CFAP99: variants seen among roughly 807,000 people sequenced by gnomAD.
The protein encoded by CFAP99 is cilia- and flagella-associated protein 99.
In CFAP99, 84 loss-of-function variants were observed where a neutral mutation model predicts 82.7. That is an observed-to-expected ratio of 1.02 (90% CI 0.85 to 1.22). CFAP99 has a LOEUF of 1.22. CFAP99 is among the 50% of genes most tolerant of loss of function. The pLI is 0.00. For missense variants in CFAP99, 1,059 were observed against 983.5 expected (o/e 1.08, Z -1.03); for synonymous variants, 456 against 429.5 (o/e 1.06, Z -0.76).
intron 1 of CFAP99, among the ~76,000 whole-genome samples, chr4:2,421,294 C>G (rs945358050): frequency 6.7e-6 from 1 of 150,258 alleles, no homozygotes; most frequent in African/African-American, 2.5e-5. Flanking sequence ...CTCATATAAT[C>G]TCATTTGTGT....
At chr4:2,449,489 A>G (rs1216889929) in intron 6 of CFAP99, among the ~76,000 whole-genome samples, 181 bp from the exon 7 acceptor site, 2 of 133,302 alleles carry the variant, frequency 1.5e-5, no homozygotes, top group African/African-American at 5.7e-5. Context: ...CCTTCCCTTT[A>G]CTGCCAACGC....
At chr4:2,444,307 G>A (rs911247875) in intron 5 of CFAP99, among the ~76,000 whole-genome samples, 1 of 152,132 alleles carries the variant, frequency 6.6e-6, no homozygotes, top group African/African-American at 2.4e-5. Context: ...CCCTCTTCCT[G>A]CGCCACCACC....
Position 2,462,494 on chromosome 4 carries a change from C to A in CFAP99, c.1713C>A (p.Asp571Glu). Residue 571 changes from aspartate (D) to glutamate (E), a missense_variant, in exon 15 of 15, where the codon GAC (aspartate) becomes GAA (glutamate). Coordinates refer to ENST00000635017, the Ensembl canonical transcript of CFAP99. The surrounding 1 kb of genome is among the most constrained non-coding windows in gnomAD (Gnocchi z 4.1). ...CGGCCCCGGCGGCGCCCTCGCAGGA[C>A]GAGCGCGTGCAGCAGCTGCGGCGCA... 1 of 1,476,972 alleles carries A rather than the reference C, an allele frequency of 6.8e-7. No individual in the cohort carries two copies. The highest frequency in any genetic ancestry group is 1.3e-5 in the South Asian group (1 of 78,086). 91.5% of individuals were successfully genotyped at this position (1,476,972 alleles called of 1,614,324 possible).
intron 11 of CFAP99, among the ~76,000 whole-genome samples, chr4:2,453,895 C>A (rs1734364208): frequency 6.6e-6 from 1 of 151,780 alleles, no homozygotes; most frequent in Non-Finnish European, 1.5e-5. Flanking sequence ...CTCACTGCAA[C>A]TTCCGCCTCC....
chr4:2,441,559 G>A (rs1331400332), intron 4 of CFAP99, among the ~76,000 whole-genome samples: 1 of 152,132 alleles, frequency 6.6e-6, no homozygotes, highest in Non-Finnish European at 1.5e-5. Flanking sequence ...ACACAGCACC[G>A]TTGGGGACAG....
At position 2,454,592 on chromosome 4, in the gene CFAP99, T is replaced by TG. The variant is rs1416829885; in HGVS notation, c.1161+2246_1161+2247insG. On this transcript the variant is annotated intron_variant, in intron 11 of 14. Transcript: ENST00000635017. ...TTGTTGTTTTTTTTCTTTTTTTTTT[T>TG]TGTTTTTTTTTTTTTTTGGTTTTTG... 9.0e-4 allele frequency among the ~76,000 whole-genome samples: 129 copies of TG among 142,658 alleles called. 1 individual carries two copies. Among genetic ancestry groups the TG allele is most frequent in the South Asian group, 6.0e-3 (27 of 4,528 alleles). The allele number at this position is 142,658 out of a possible 152,430, so 93.6% of individuals were successfully genotyped here.
At chr4:2,435,385 A>G (rs545746591) in intron 2 of CFAP99, among the ~76,000 whole-genome samples, 1 of 152,086 alleles carries the variant, frequency 6.6e-6, no homozygotes, top group Non-Finnish European at 1.5e-5. Flanking sequence ...TACATGCTCT[A>G]TATGCCCAAA....
At chr4:2,420,375 A>G (rs1280210997) in intron 1 of CFAP99, among the ~76,000 whole-genome samples, 1 of 152,136 alleles carries the variant, frequency 6.6e-6, no homozygotes, top group Non-Finnish European at 1.5e-5. Flanking sequence ...AGATCCTCTC[A>G]AATTTAACGT....
intron 11 of CFAP99, among the ~76,000 whole-genome samples, chr4:2,456,677 G>A (rs1734444698): frequency 6.6e-6 from 1 of 151,850 alleles, no homozygotes; most frequent in Non-Finnish European, 1.5e-5. Context: ...GCACCATCAT[G>A]CCTGGCTAAT....
intron 2 of CFAP99, among the ~76,000 whole-genome samples, chr4:2,435,477 A>T (rs1733887676): frequency 6.6e-6 from 1 of 152,210 alleles, no homozygotes; most frequent in African/African-American, 2.4e-5. Context: ...AATAGCCTTA[A>T]CATAGAGACC....
At chr4:2,439,051 C>T (rs1482975069) in intron 4 of CFAP99, among the ~76,000 whole-genome samples, 2 of 152,198 alleles carry the variant, frequency 1.3e-5, no homozygotes, top group African/African-American at 4.8e-5. Context: ...GAAGCTGGCA[C>T]ACACAGGCCT....
exon 13 of CFAP99, chr4:2,459,134 G>GGCTGCTGCAGCGCAGGGC (rs1301168336): frequency 1.3e-6 from 2 of 1,532,232 alleles, no homozygotes; most frequent in East Asian, 2.4e-5. Context: ...GAGAGCAGGG[G>GGCTGCTGCAGCGCAGGGC]GCTGCTGCAG....
chr4:2,458,913 G>A (rs755106356), intron 12 of CFAP99, 49 bp downstream of exon 12: 16 of 1,505,218 alleles, frequency 1.1e-5, no homozygotes, highest in East Asian at 7.4e-5. Context: ...TTCCCCACTC[G>A]GGTGCTGGGC....
At chr4:2,459,127 A>G (rs1734510623) in exon 13 of CFAP99, 3 of 1,530,234 alleles carry the variant, frequency 2.0e-6, no homozygotes, top group Non-Finnish European at 2.6e-6. Flanking sequence ...GATCGAGGAG[A>G]GCAGGGGGCT....
chr4:2,457,223 G>A (rs945289480), intron 11 of CFAP99, among the ~76,000 whole-genome samples: 15 of 152,268 alleles, frequency 9.9e-5, no homozygotes, highest in African/African-American at 3.1e-4. Context: ...GATTACAAGC[G>A]TGAGCCGCTG....
chr4:2,436,497 G>A (rs550739505), intron 2 of CFAP99, among the ~76,000 whole-genome samples: 75 of 152,234 alleles, frequency 4.9e-4, no homozygotes, highest in African/African-American at 7.7e-4. Flanking sequence ...CTTTTCATCC[G>A]AGCGAACTGA....
At chr4:2,437,358 G>A (rs1733939945) in intron 3 of CFAP99, among the ~76,000 whole-genome samples, 1 of 152,208 alleles carries the variant, frequency 6.6e-6, no homozygotes, top group African/African-American at 2.4e-5. Context: ...GGACCCTGTG[G>A]CTGCCGTCTG....
At chr4:2,450,092 CA>C in intron 8 of CFAP99, 87 bp downstream of exon 8, 8 of 1,320,948 alleles carry the variant, frequency 6.1e-6, no homozygotes, top group Non-Finnish European at 8.4e-6. Context: ...TCGCAGTGAC[CA>C]CTTATGTAGC....
exon 12 of CFAP99, chr4:2,458,860 G>A (rs1227473058): frequency 2.0e-6 from 3 of 1,534,454 alleles, no homozygotes; most frequent in African/African-American, 2.7e-5. Context: ...GCCGACAGCA[G>A]ACAGGTAGTC....
Sources: allele counts gnomAD v4.1 joint callset (sites outside exome capture counted in the v4.1 genomes callset), GRCh38; gene constraint gnomAD v4.1.1; non-coding constraint Gnocchi (gnomAD v3.1); transcripts MANE v1.5; gene names NCBI Gene and HGNC (gene_info 2026-07-23, HGNC 2026-07-21).